The following ASIC2 variants were observed in gnomAD, a reference collection of about 807,000 sequenced individuals.
ASIC2 encodes acid sensing ion channel subunit 2.
Under a neutral mutation model 57.3 loss-of-function variants are expected in ASIC2, and 25 were observed. The observed-to-expected ratio is 0.44, with a 90% confidence interval of 0.32 to 0.61. The LOEUF is 0.61. ASIC2 is among the 20% of genes least tolerant of loss of function. The pLI, the probability that ASIC2 is intolerant of heterozygous loss-of-function variation, is 0.06. For synonymous variants in ASIC2, 319 were observed against 307.5 expected (o/e 1.04, Z -0.39); for missense variants, 641 against 738.1 (o/e 0.87, Z 1.52).
chr17:33,766,361 A>G lies in ASIC2; in HGVS notation c.555+389617T>C, dbSNP rs1910936555. Among the ~76,000 whole-genome samples the G allele has an allele frequency of 2.0e-5, 3 of 152,368 alleles. No individual in the cohort carries two copies. In the South Asian group the frequency reaches 6.2e-4, roughly 32 times the overall value. The stretch of plus-strand genomic sequence containing the variant: ...CTTTTGGAATGTATCCCCTACAGAT[A>G]TAGAGGGACTGCTGTACTCAAAGAG... On this transcript the variant is annotated intron_variant, in intron 1 of 9. Transcript: ENST00000359872.
chr17:33,875,119 G>C (rs1370946626), intron 1 of ASIC2, among the ~76,000 whole-genome samples: 1 of 152,218 alleles, frequency 6.6e-6, no homozygotes, highest in Admixed American at 6.5e-5. Flanking sequence ...GGATTGGAAT[G>C]TCAGTGCTGT....
At chr17:33,926,821 C>CTGTGTGCCTGCATTTTGT (rs1915831838) in intron 1 of ASIC2, among the ~76,000 whole-genome samples, 1 of 152,214 alleles carries the variant, frequency 6.6e-6, no homozygotes, top group African/African-American at 2.4e-5. Context: ...TTACCTGCCA[C>CTGTGTGCCTGCATTTTGT]TGTGTGCCTG....
chr17:33,038,605 T>C (rs1314855266), intron 3 of ASIC2, among the ~76,000 whole-genome samples: 2 of 152,200 alleles, frequency 1.3e-5, no homozygotes, highest in East Asian at 3.9e-4. Flanking sequence ...TCCACTGTGC[T>C]ATGGAACTGG....
At chr17:33,175,282 G>T (rs1905704871) in intron 1 of ASIC2, among the ~76,000 whole-genome samples, 1 of 152,124 alleles carries the variant, frequency 6.6e-6, no homozygotes, top group Non-Finnish European at 1.5e-5. Context: ...AGTTTGATCT[G>T]GCCTGAGATG....
chr17:33,223,973 A>G (rs547292184), intron 1 of ASIC2, among the ~76,000 whole-genome samples: 2 of 152,354 alleles, frequency 1.3e-5, no homozygotes, highest in East Asian at 3.9e-4. Context: ...TGCACATGAC[A>G]TTAGAAAGGA....
At chr17:33,923,332 T>C (rs1212867839) in intron 1 of ASIC2, among the ~76,000 whole-genome samples, 1 of 152,222 alleles carries the variant, frequency 6.6e-6, no homozygotes, top group Non-Finnish European at 1.5e-5. Context: ...GACTGTTCTG[T>C]CCATCTACCC....
chr17:33,157,173 G>C (rs76160129), intron 1 of ASIC2, among the ~76,000 whole-genome samples: 2 of 152,132 alleles, frequency 1.3e-5, no homozygotes, highest in African/African-American at 2.4e-5. Context: ...AGTGAAATGA[G>C]AGTTCATTAC....
intron 1 of ASIC2, among the ~76,000 whole-genome samples, chr17:33,282,974 C>A (rs1883458071): frequency 6.6e-6 from 1 of 152,178 alleles, no homozygotes; most frequent in Non-Finnish European, 1.5e-5. Context: ...TTCACAGATT[C>A]TAGGGATGAG....
At chr17:33,289,626 A>G (rs1423921368) in intron 1 of ASIC2, among the ~76,000 whole-genome samples, 5 of 152,154 alleles carry the variant, frequency 3.3e-5, no homozygotes, top group Non-Finnish European at 7.4e-5. Flanking sequence ...TGGACTTTGA[A>G]CTTGCTGGCT....
chr17:33,661,458 C>G (rs568114069), intron 1 of ASIC2, among the ~76,000 whole-genome samples: 2 of 152,218 alleles, frequency 1.3e-5, no homozygotes, highest in African/African-American at 4.8e-5. Context: ...AACAGAGCAC[C>G]CTGAAGTTGT....
intron 1 of ASIC2, among the ~76,000 whole-genome samples, chr17:33,597,976 A>C (rs1905029630): frequency 6.6e-6 from 1 of 152,176 alleles, no homozygotes; most frequent in African/African-American, 2.4e-5. Context: ...TCTTTCTCCG[A>C]ATGTATCTAT....
chr17:33,131,504 C>T (rs1194625330), intron 1 of ASIC2: 1 of 152,278 alleles, frequency 6.6e-6, no homozygotes, highest in Non-Finnish European at 1.5e-5. Context: ...CCTATCCTAG[C>T]CCCTGAGCCA....
chr17:33,280,163 C>G (rs986464214), intron 1 of ASIC2, among the ~76,000 whole-genome samples: 1 of 152,150 alleles, frequency 6.6e-6, no homozygotes, highest in Admixed American at 6.6e-5. Context: ...AGACATTGCT[C>G]TTGCTGTTCC....
At chr17:33,724,787 G>C (rs1208027396) in intron 1 of ASIC2, among the ~76,000 whole-genome samples, 2 of 152,032 alleles carry the variant, frequency 1.3e-5, no homozygotes, top group South Asian at 4.1e-4. Flanking sequence ...GACTAATTGA[G>C]TTTGTATTAA....
At chr17:33,146,392 G>C (rs1327187175) in intron 1 of ASIC2, among the ~76,000 whole-genome samples, 1 of 152,180 alleles carries the variant, frequency 6.6e-6, no homozygotes, top group Non-Finnish European at 1.5e-5. Flanking sequence ...CCACATCCCA[G>C]AATCAAGGTG....
In ASIC2 at chr17:33,357,093, T is replaced by C. The variant is rs797007985; in HGVS notation, c.556-245026A>G. On this transcript the variant is annotated intron_variant, in intron 1 of 9. Transcript: ENST00000359872. Reference sequence around the variant, plus strand: ...CCTCCAGGGAGTTTACTTCAGAAGATTGTAATTATGGTAGAGACCAGCCAG... The same window carrying C: ...CCTCCAGGGAGTTTACTTCAGAAGACTGTAATTATGGTAGAGACCAGCCAG... Among the ~76,000 whole-genome samples, 7 of 810 alleles carry C rather than the reference T, an allele frequency of 8.6e-3. 1 individual carries two copies. Among genetic ancestry groups the C allele is most frequent in the African/African-American group, 0.03 (7 of 230 alleles). 0.5% of individuals were successfully genotyped at this position (810 alleles called of 152,430 possible). A position where few individuals can be genotyped will look rare whatever the true frequency, so the allele number is the denominator to read the frequency against.
chr17:33,491,757 G>A (rs948049484), intron 1 of ASIC2, among the ~76,000 whole-genome samples: 1 of 152,194 alleles, frequency 6.6e-6, no homozygotes, highest in Non-Finnish European at 1.5e-5. Flanking sequence ...AGAGGCTAGA[G>A]GGTCTCTGTC....
At chr17:33,702,863 T>A (rs1468957612) in intron 1 of ASIC2, among the ~76,000 whole-genome samples, 1 of 152,202 alleles carries the variant, frequency 6.6e-6, no homozygotes, top group Non-Finnish European at 1.5e-5. Flanking sequence ...ATCCTCTGTA[T>A]GCCAGGCGAT....
At chr17:33,758,709 T>C (rs1443085674) in intron 1 of ASIC2, among the ~76,000 whole-genome samples, 2 of 152,136 alleles carry the variant, frequency 1.3e-5, no homozygotes, top group East Asian at 3.9e-4. Context: ...GCTAGAACAT[T>C]AGCATGCTTG....
Sources: allele counts gnomAD v4.1 joint callset (sites outside exome capture counted in the v4.1 genomes callset), GRCh38; gene constraint gnomAD v4.1.1; transcripts MANE v1.5; gene names NCBI Gene and HGNC (gene_info 2026-07-23, HGNC 2026-07-21).